The following RBFOX1 variants were observed in gnomAD, a reference collection of about 807,000 sequenced individuals.
RBFOX1 encodes RNA binding fox-1 homolog 1, also known as RNA binding protein fox-1 homolog 1.
A neutral mutation model predicts 57.7 loss-of-function variants in RBFOX1; 8 were observed. That is an observed-to-expected ratio of 0.14 (90% confidence interval 0.08 to 0.25). The LOEUF (loss-of-function observed/expected upper bound fraction) is 0.25, where lower values mean the gene tolerates loss of function less well. Among genes scored for constraint, RBFOX1 ranks in the 10% least tolerant of loss-of-function variants. The pLI is 1.00. For synonymous variants in RBFOX1, 326 were observed against 222.4 expected (o/e 1.47, Z -4.15); for missense variants, 611 against 548.5 (o/e 1.11, Z -1.14).
At chr16:6,801,849 T>C (rs2154258294) in intron 3 of RBFOX1, among the ~76,000 whole-genome samples, 1 of 152,248 alleles carries the variant, frequency 6.6e-6, no homozygotes, top group Non-Finnish European at 1.5e-5. Context: ...CATGTAAGTG[T>C]GCATTCATCT....
At chr16:5,312,953 A>C (rs182772430) in intron 1 of RBFOX1, among the ~76,000 whole-genome samples, 15 of 152,318 alleles carry the variant, frequency 9.8e-5, no homozygotes, top group African/African-American at 3.6e-4. Flanking sequence ...CATGAGCAGC[A>C]GTAGGCGCTT....
chr16:5,937,297 A>G (rs1055862619), intron 4 of RBFOX1, among the ~76,000 whole-genome samples: 1 of 152,176 alleles, frequency 6.6e-6, no homozygotes, highest in African/African-American at 2.4e-5. Flanking sequence ...CTTGGCAAAC[A>G]CTGGAAAGAG....
rs545003025 is a variant in RBFOX1, at chr16:5,320,774, A to G, written c.219+80669A>G. Among the ~76,000 whole-genome samples the G allele has an allele frequency of 2.0e-5, 3 of 152,260 alleles. No homozygotes were observed. The South Asian group carries it at 6.2e-4, about 32-fold the overall frequency. On this transcript the variant is annotated intron_variant, in intron 1 of 2. Coordinates refer to the RBFOX1 transcript ENST00000585867. ...CCCTTGATATCGGGACCACAACTTGAAGCTCCATGGTCTGAGTAGAGAGAG... is the reference window on the plus strand; with the variant it reads ...CCCTTGATATCGGGACCACAACTTGGAGCTCCATGGTCTGAGTAGAGAGAG...
chr16:7,002,113 A>G (rs1270461334), intron 3 of RBFOX1, among the ~76,000 whole-genome samples: 2 of 151,166 alleles, frequency 1.3e-5, no homozygotes, highest in East Asian at 2.0e-4. Context: ...TTTTTTTCTC[A>G]TGGGGTTGTT....
intron 4 of RBFOX1, among the ~76,000 whole-genome samples, chr16:7,422,044 A>G (rs1455167492): frequency 6.6e-6 from 1 of 152,184 alleles, no homozygotes; most frequent in Non-Finnish European, 1.5e-5. Flanking sequence ...AGTCTCAGTT[A>G]TTATGCTGTA....
intron 2 of RBFOX1, among the ~76,000 whole-genome samples, chr16:6,572,254 A>G (rs998321972): frequency 2.6e-5 from 4 of 152,220 alleles, no homozygotes; most frequent in East Asian, 1.9e-4. Flanking sequence ...ACAAATCTGT[A>G]TCAAATTCTA....
At chr16:6,405,062 A>T (rs998481218) in intron 2 of RBFOX1, among the ~76,000 whole-genome samples, 1 of 152,194 alleles carries the variant, frequency 6.6e-6, no homozygotes, top group African/African-American at 2.4e-5. Flanking sequence ...TAACACAATG[A>T]TCAAGAGGCT....
chr16:7,311,532 C>G (rs1352248836), intron 4 of RBFOX1, among the ~76,000 whole-genome samples: 1 of 132,960 alleles, frequency 7.5e-6, no homozygotes, highest in African/African-American at 2.8e-5. Context: ...GCCTCAATGA[C>G]TAGATTCCCC....
intron 2 of RBFOX1, among the ~76,000 whole-genome samples, chr16:6,496,962 G>A (rs812980): frequency 0.49 from 73,150 of 148,460 alleles, 17,801 homozygotes; most frequent in East Asian, 0.59. Context: ...CTCCGTCTTC[G>A]GAAAAAAAGA....
chr16:5,344,413 A>G (rs8047630), intron 1 of RBFOX1, among the ~76,000 whole-genome samples: 20,858 of 152,134 alleles, frequency 0.14, 3,717 homozygotes, highest in African/African-American at 0.42. Context: ...ATCCCTTCTC[A>G]GGGTAAAATC....
At chr16:6,063,735 A>G (rs896272478) in intron 1 of RBFOX1, among the ~76,000 whole-genome samples, 21 of 152,170 alleles carry the variant, frequency 1.4e-4, no homozygotes, top group Non-Finnish European at 1.9e-4. Flanking sequence ...CACAGAGTGC[A>G]CATTCCCTCC....
chr16:6,299,892 T>G (rs79679345), intron 1 of RBFOX1, among the ~76,000 whole-genome samples: 3,552 of 152,234 alleles, frequency 0.023, 143 homozygotes, highest in African/African-American at 0.081. Context: ...ACACCCTCGT[T>G]TTAACACAAT....
intron 4 of RBFOX1, among the ~76,000 whole-genome samples, chr16:5,959,967 G>A (rs1361140895): frequency 6.6e-6 from 1 of 152,236 alleles, no homozygotes; most frequent in African/African-American, 2.4e-5. Flanking sequence ...TTGGGAGGCA[G>A]AGGCGGGGGG....
intron 4 of RBFOX1, among the ~76,000 whole-genome samples, chr16:7,360,753 T>C (rs778567782): frequency 1.3e-5 from 2 of 152,174 alleles, no homozygotes; most frequent in Non-Finnish European, 2.9e-5. Flanking sequence ...GGGATCTCTT[T>C]TTTCCTATCT....
intron 3 of RBFOX1, among the ~76,000 whole-genome samples, chr16:5,731,985 C>T (rs1005824955): frequency 2.0e-5 from 3 of 152,190 alleles, no homozygotes; most frequent in Admixed American, 6.5e-5. Context: ...GAATTCTCCA[C>T]CCCATATCAG....
At chr16:5,330,790 T>G (rs953674959) in intron 1 of RBFOX1, among the ~76,000 whole-genome samples, 2 of 151,840 alleles carry the variant, frequency 1.3e-5, no homozygotes, top group Non-Finnish European at 2.9e-5. Context: ...GAGCACTGTT[T>G]CAGGAATGAT....
chr16:5,753,754 TC>T (rs2053297505), intron 3 of RBFOX1, among the ~76,000 whole-genome samples: 2 of 152,104 alleles, frequency 1.3e-5, no homozygotes, highest in Admixed American at 6.6e-5. Flanking sequence ...ACAGCACTGC[TC>T]TCCCTTGTAT....
chr16:6,483,574 C>G, intron 2 of RBFOX1: 1 of 1,522,740 alleles, frequency 6.6e-7, no homozygotes, highest in Non-Finnish European at 8.8e-7. Flanking sequence ...CTCTAAAACA[C>G]TGTCAGGGAA....
intron 3 of RBFOX1, among the ~76,000 whole-genome samples, chr16:5,861,921 G>T (rs531778429): frequency 1.4e-4 from 21 of 152,232 alleles, no homozygotes; most frequent in South Asian, 1.0e-3. Context: ...TGCTGCCTGT[G>T]GGGGGAATGG....
Sources: gnomAD v4.1 joint callset for allele counts (sites outside exome capture counted in the v4.1 genomes callset) on GRCh38, gnomAD v4.1.1 for gene constraint, MANE v1.5 for transcripts, NCBI Gene and HGNC (gene_info 2026-07-23, HGNC 2026-07-21) for gene names.